RARB: variants seen among roughly 807,000 people sequenced by gnomAD.
The protein encoded by RARB is HBV-activated protein.
A neutral mutation model predicts 51.9 loss-of-function variants in RARB; 17 were observed. That is an observed-to-expected ratio of 0.33 (90% CI 0.22 to 0.49). RARB has a LOEUF of 0.49. Among genes scored for constraint, RARB ranks in the 20% least tolerant of loss-of-function variants. The pLI, the probability that RARB is intolerant of heterozygous loss-of-function variation, is 0.99. For synonymous variants in RARB, 215 were observed against 195.4 expected, an observed-to-expected ratio of 1.10 and a Z score of -0.84; for missense variants, 369 against 550.8, an observed-to-expected ratio of 0.67 and a Z score of 3.30.
At chr3:24,936,486 C>T (rs1200595469) in intron 2 of RARB, among the ~76,000 whole-genome samples, 1 of 152,174 alleles carries the variant, frequency 6.6e-6, no homozygotes, top group Non-Finnish European at 1.5e-5. Flanking sequence ...TTAACCGAGG[C>T]AGCTAACAAT....
intron 2 of RARB, among the ~76,000 whole-genome samples, chr3:25,008,581 A>G (rs545275371): frequency 1.1e-3 from 174 of 152,074 alleles, no homozygotes; most frequent in African/African-American, 4.0e-3. Flanking sequence ...CCTCAGTAAG[A>G]TTTTCTCCTT....
intron 2 of RARB, among the ~76,000 whole-genome samples, chr3:24,994,394 A>T (rs1200862986): frequency 2.0e-5 from 3 of 152,144 alleles, no homozygotes; most frequent in Admixed American, 6.5e-5. Flanking sequence ...TATTCTGGAT[A>T]TTAATCCCCT....
At chr3:25,196,604 T>C (rs913209354) in intron 5 of RARB, among the ~76,000 whole-genome samples, 4 of 152,136 alleles carry the variant, frequency 2.6e-5, no homozygotes, top group Non-Finnish European at 5.9e-5. Flanking sequence ...GACGGCTGGG[T>C]CAAATGGTAT....
At chr3:25,264,204 C>A (rs1410381017) in intron 5 of RARB, among the ~76,000 whole-genome samples, 1 of 151,950 alleles carries the variant, frequency 6.6e-6, no homozygotes, top group East Asian at 1.9e-4. Flanking sequence ...AAAGCTCTTG[C>A]TAAACTGTAA....
chr3:25,428,824 A>G lies in RARB; in HGVS notation c.93A>G (p.Lys31=), dbSNP rs1367202851. 47 of 1,613,998 alleles carry G rather than the reference A, an allele frequency of 2.9e-5. No individual in the cohort carries two copies. Among genetic ancestry groups the G allele is most frequent in the Non-Finnish European group, 3.3e-5 (39 of 1,180,020 alleles). ...CGTCTTCCTGCATGCTCCAGGAGAA[A>G]GCTCTCAAAGCATGCTTCAGTGGAT... ...ASPSSCMLQE[K]ALKACFSGLT... The change falls in exon 1 of 8, where the codon AAA becomes AAG. Residue 31 remains lysine (K), a synonymous_variant. Transcript: ENST00000330688.
intron 5 of RARB, among the ~76,000 whole-genome samples, chr3:25,333,934 T>C (rs1253550407): frequency 6.6e-6 from 1 of 152,116 alleles, no homozygotes; most frequent in Non-Finnish European, 1.5e-5. Context: ...AAAATGCTCA[T>C]CATCACTGGC....
At chr3:24,983,813 A>T (rs1031468661) in intron 2 of RARB, among the ~76,000 whole-genome samples, 1 of 152,078 alleles carries the variant, frequency 6.6e-6, no homozygotes, top group Non-Finnish European at 1.5e-5. Flanking sequence ...TATTAAATGC[A>T]GGGGGGAGAG....
At chr3:25,374,331 T>C (rs901870339) in intron 5 of RARB, among the ~76,000 whole-genome samples, 10 of 152,096 alleles carry the variant, frequency 6.6e-5, no homozygotes, top group African/African-American at 2.4e-4. Flanking sequence ...AGAATTTACA[T>C]GGGGTAAGTT....
intron 5 of RARB, among the ~76,000 whole-genome samples, chr3:25,283,724 A>G (rs1358050443): frequency 6.6e-6 from 1 of 152,192 alleles, no homozygotes; most frequent in East Asian, 1.9e-4. Context: ...GGATTATTCC[A>G]TCATCAGGAA....
intron 2 of RARB, among the ~76,000 whole-genome samples, chr3:24,912,648 A>T (rs1695014402): frequency 6.6e-6 from 1 of 152,264 alleles, no homozygotes; most frequent in South Asian, 2.1e-4. Context: ...CGCTGGGAGG[A>T]TTTAAATAGA....
rs35056259 is a variant in RARB at position 25,456,554 on chromosome 3, A to ATTTT, written c.158-4617_158-4614dup. 7.9e-3 allele frequency among the ~76,000 whole-genome samples: 350 copies of ATTTT among 44,110 alleles called. 58 individuals are homozygous for ATTTT. Among genetic ancestry groups the ATTTT allele is most frequent in the Non-Finnish European group, 0.011 (266 of 24,688 alleles). The allele number at this position is 44,110 out of a possible 152,430, so 28.9% of individuals were successfully genotyped here. On this transcript the variant is annotated intron_variant, in intron 1 of 7. Transcript: ENST00000330688. ...GGTGATCTGACAGACTATACCACTG[A>ATTTT]TTTTTTTTTTTTTTTTTTTTTTTTT...
chr3:25,082,086 G>A (rs966205474), intron 3 of RARB, among the ~76,000 whole-genome samples: 2 of 151,964 alleles, frequency 1.3e-5, no homozygotes, highest in Non-Finnish European at 2.9e-5. Flanking sequence ...CAGCTTCCTT[G>A]ATACTAGTTT....
chr3:25,535,211 C>G (rs1053233017), intron 3 of RARB, among the ~76,000 whole-genome samples: 5 of 152,058 alleles, frequency 3.3e-5, no homozygotes, highest in African/African-American at 1.2e-4. Flanking sequence ...TTCCTCTTTT[C>G]TTTTTCTTAA....
intron 2 of RARB, among the ~76,000 whole-genome samples, chr3:25,476,070 A>G (rs527632182): frequency 6.6e-6 from 1 of 152,324 alleles, no homozygotes; most frequent in South Asian, 2.1e-4. Flanking sequence ...GGGAAGAACA[A>G]TGGAGAATTG....
At chr3:25,309,274 A>G (rs1156556381) in intron 5 of RARB, among the ~76,000 whole-genome samples, 2 of 148,788 alleles carry the variant, frequency 1.3e-5, no homozygotes, top group Non-Finnish European at 3.0e-5. Context: ...AACTGAGACT[A>G]CAGGCACCCG....
chr3:24,840,128 G>A (rs1338309089), intron 1 of RARB, among the ~76,000 whole-genome samples: 1 of 152,172 alleles, frequency 6.6e-6, no homozygotes, highest in Non-Finnish European at 1.5e-5. Flanking sequence ...TAATTCAGAG[G>A]TTGTTGTGAA....
At chr3:25,225,458 G>T (rs1401028080) in intron 5 of RARB, among the ~76,000 whole-genome samples, 1 of 152,114 alleles carries the variant, frequency 6.6e-6, no homozygotes, top group Non-Finnish European at 1.5e-5. Context: ...CACATCAGTA[G>T]GTCAGAATGA....
At chr3:24,899,992 T>C (rs919052896) in intron 2 of RARB, among the ~76,000 whole-genome samples, 4 of 152,204 alleles carry the variant, frequency 2.6e-5, no homozygotes, top group Admixed American at 1.3e-4. Context: ...TTTTACGATA[T>C]AAGCATTTTT....
intron 2 of RARB, among the ~76,000 whole-genome samples, chr3:24,976,684 C>A (rs1372415732): frequency 6.6e-6 from 1 of 152,130 alleles, no homozygotes; most frequent in East Asian, 1.9e-4. Flanking sequence ...GGATAGACTA[C>A]AAAAATTTTC....
Sources: allele counts gnomAD v4.1 joint callset (sites outside exome capture counted in the v4.1 genomes callset), GRCh38; gene constraint gnomAD v4.1.1; transcripts MANE v1.5; gene names NCBI Gene and HGNC (gene_info 2026-07-23, HGNC 2026-07-21).